STK32C: variants seen among roughly 807,000 people sequenced by gnomAD.
STK32C encodes the protein serine/threonine-protein kinase 32C.
A neutral mutation model predicts 56.5 loss-of-function variants in STK32C; 31 were observed. That is an observed-to-expected ratio of 0.55 (90% confidence interval 0.41 to 0.74). The LOEUF is 0.74. STK32C is among the 30% of genes least tolerant of loss of function. STK32C has a pLI of 0.00. For synonymous variants in STK32C, 309 were observed against 289.4 expected (o/e 1.07, Z -0.69); for missense variants, 544 against 676.9 (o/e 0.80, Z 2.18).
chr10:132,290,139 AC>A (rs1564782141), intron 1 of STK32C, among the ~76,000 whole-genome samples: 1 of 152,108 alleles, frequency 6.6e-6, no homozygotes, highest in Non-Finnish European at 1.5e-5. Context: ...TCCACCATAG[AC>A]CCCAAGAAGA....
Position 132,307,776 on chromosome 10 carries a change from G to A in STK32C, c.58C>T (p.Pro20Ser). 7 of 995,306 alleles carry A rather than the reference G, an allele frequency of 7.0e-6. No individual in the cohort carries two copies. Among genetic ancestry groups the A allele is most frequent in the South Asian group, 9.0e-5 (2 of 22,224 alleles). The allele number at this position is 995,306 out of a possible 1,614,324, so 61.7% of individuals were successfully genotyped here. ...SSAAASPGSP[P>S]PGRARPAGSD... The stretch of plus-strand genomic sequence containing the variant: ...CCGGCGGGGCGCGCGCGGCCGGGGG[G>A]CGGCGAGCCCGGGGACGCCGCGGCG... Residue 20 changes from proline to serine, a missense_variant, in exon 1 of 12, where the codon CCC becomes TCC. Transcript: ENST00000298630. This position sits in a 1 kb window ranked among gnomAD's most constrained non-coding sequence, Gnocchi z 4.4.
intron 1 of STK32C, among the ~76,000 whole-genome samples, chr10:132,287,445 G>A (rs541443207): frequency 2.1e-3 from 309 of 149,948 alleles, no homozygotes; most frequent in African/African-American, 7.2e-3. Flanking sequence ...AGCCGAGATC[G>A]TGCCACTGTA....
intron 10 of STK32C, among the ~76,000 whole-genome samples, chr10:132,210,806 G>A (rs1162929762): frequency 6.6e-6 from 1 of 152,210 alleles, no homozygotes; most frequent in African/African-American, 2.4e-5. Context: ...CCACCCCGAG[G>A]CAGTGCCCTC....
chr10:132,300,757 G>A (rs573037468), intron 1 of STK32C, among the ~76,000 whole-genome samples: 6 of 152,136 alleles, frequency 3.9e-5, no homozygotes, highest in East Asian at 3.9e-4. Context: ...ATACCACCCC[G>A]GGTGGCCACT....
In STK32C at chr10:132,222,928, G is replaced by T; in HGVS notation, c.1052C>A (p.Pro351Gln). The T allele has an allele frequency of 6.4e-7, 1 of 1,557,166 alleles. No homozygotes were observed. ...GTCCCACAGCACGCCGGCCAGCGCC[G>T]GGGCTGCCTGCACGTCCTGGAGGCT... is the stretch of plus-strand genomic sequence containing the variant. ...LSSLQDVQAA[P>Q]ALAGVLWDHL... Residue 351 changes from proline (P) to glutamine (Q), a missense_variant, in exon 9 of 12, where the codon CCG becomes CAG. Physicochemically the swap from Pro to Gln is moderately conservative, Grantham distance 76. This residue lies in a region of STK32C where 277 missense variants were observed against 309.3 expected (regional missense o/e 0.90). Transcript: ENST00000298630.
intron 3 of STK32C, among the ~76,000 whole-genome samples, chr10:132,227,505 C>T (rs1003471496): frequency 2.0e-5 from 3 of 150,910 alleles, no homozygotes; most frequent in Non-Finnish European, 3.0e-5. Flanking sequence ...TGATTGTGGT[C>T]GTGGTGGTGG....
chr10:132,322,656 A>G (rs1485817200), downstream of STK32C, among the ~76,000 whole-genome samples: 1 of 152,188 alleles, frequency 6.6e-6, no homozygotes, highest in Non-Finnish European at 1.5e-5. Flanking sequence ...AAATGTTGCC[A>G]GCATCTTAGA....
chr10:132,222,993 C>A lies in STK32C; in HGVS notation c.994-7G>T. On this transcript the variant is annotated splice_polypyrimidine_tract_variant and splice_region_variant and intron_variant, in intron 8 of 11. Transcript: ENST00000298630. ...CGGGGTTCACAGTGAGGAGCTGCAA[C>A]CAGGCATGAGTCAGAGGGTCCAGGG... 2 of 1,548,304 alleles carry A rather than the reference C, an allele frequency of 1.3e-6. No individual in the cohort carries two copies. The highest frequency in any genetic ancestry group is 2.4e-5 in the South Asian group (2 of 84,544).
At chr10:132,227,010 G>T in intron 3 of STK32C, 42 bp from the exon 4 acceptor site, 1 of 1,606,580 alleles carries the variant, frequency 6.2e-7, no homozygotes, top group Non-Finnish European at 8.5e-7. Context: ...CACAGCTGGG[G>T]AGCCAGTCAT....
intron 2 of STK32C, among the ~76,000 whole-genome samples, chr10:132,244,667 C>G (rs1024788781): frequency 6.6e-6 from 1 of 152,204 alleles, no homozygotes; most frequent in African/African-American, 2.4e-5. Context: ...CCCAGGGTCC[C>G]CCTAAGCCAC....
chr10:132,273,102 C>T (rs1342410213), intron 1 of STK32C, among the ~76,000 whole-genome samples: 1 of 152,198 alleles, frequency 6.6e-6, no homozygotes, highest in Non-Finnish European at 1.5e-5. Flanking sequence ...CCTTGCTGCC[C>T]CCCTCAACAG....
chr10:132,265,095 T>A (rs71512293), intron 1 of STK32C, among the ~76,000 whole-genome samples: 29 of 81,200 alleles, frequency 3.6e-4, no homozygotes, highest in Non-Finnish European at 7.6e-4. Context: ...TGGGGGTGCC[T>A]CAAGGGCGGT....
chr10:132,303,982 G>A (rs550312984), intron 1 of STK32C, among the ~76,000 whole-genome samples: 2 of 152,220 alleles, frequency 1.3e-5, no homozygotes, highest in Admixed American at 6.5e-5. Context: ...GTTACCCCAC[G>A]ACAGCATGGC....
chr10:132,212,864 G>A lies in STK32C; in HGVS notation c.1252-3763C>T, dbSNP rs150419228. Among the ~76,000 whole-genome samples the A allele has an allele frequency of 8.9e-3, 1,353 of 152,344 alleles. 22 individuals are homozygous for A. The highest frequency in any genetic ancestry group is 0.031 in the African/African-American group (1,293 of 41,574). On this transcript the variant is annotated intron_variant, in intron 10 of 11. Coordinates refer to ENST00000298630, the MANE Select transcript of STK32C (RefSeq NM_173575.4). ...CAGAGAGCTGAGGTCAAAGCGCTGC[G>A]GCGACCCCCAAGTCTGGAGAGACAG...
At chr10:132,292,518 C>G (rs1282295491) in intron 1 of STK32C, among the ~76,000 whole-genome samples, 7 of 152,160 alleles carry the variant, frequency 4.6e-5, no homozygotes, top group Non-Finnish European at 1.0e-4. Flanking sequence ...CACATAAACA[C>G]ATGCATACAT....
intron 1 of STK32C, among the ~76,000 whole-genome samples, chr10:132,258,086 G>A (rs111522545): frequency 0.043 from 6,595 of 152,272 alleles, 486 homozygotes; most frequent in African/African-American, 0.15. Context: ...GATGAATGCC[G>A]GCTGAGTGGC....
At chr10:132,278,620 G>T (rs2065058739) in intron 1 of STK32C, among the ~76,000 whole-genome samples, 1 of 152,020 alleles carries the variant, frequency 6.6e-6, no homozygotes, top group Non-Finnish European at 1.5e-5. Context: ...AATTAGCCGG[G>T]CGTGGTGGCA....
intron 1 of STK32C, among the ~76,000 whole-genome samples, chr10:132,302,230 T>A (rs1273528578): frequency 6.6e-6 from 1 of 152,344 alleles, no homozygotes; most frequent in East Asian, 1.9e-4. Context: ...CTCCAAGGCA[T>A]CCTCGCATTA....
intron 1 of STK32C, among the ~76,000 whole-genome samples, chr10:132,247,144 T>C (rs535615567): frequency 9.8e-5 from 15 of 152,352 alleles, no homozygotes; most frequent in Admixed American, 9.1e-4. Context: ...GGGTAGGTAC[T>C]GACCCCTCCT....
Sources: gnomAD v4.1 joint callset for allele counts (sites outside exome capture counted in the v4.1 genomes callset) on GRCh38, gnomAD v4.1.1 for gene constraint, gnomAD v4.1.1 regional missense constraint, Gnocchi (gnomAD v3.1) non-coding constraint, MANE v1.5 for transcripts, NCBI Gene and HGNC (gene_info 2026-07-23, HGNC 2026-07-21) for gene names.